CDH26: variants seen among roughly 807,000 people sequenced by gnomAD.
CDH26 encodes the protein cadherin 26, also known as cadherin-like protein 26.
A neutral mutation model predicts 90.3 loss-of-function variants in CDH26; 83 were observed. The observed-to-expected ratio is 0.92, with a 90% CI of 0.77 to 1.10. The LOEUF is 1.10. Among genes scored for constraint, CDH26 ranks in the 50% least tolerant of loss-of-function variants. The probability of loss-of-function intolerance (pLI) is 0.00; values close to 1 mark genes in which losing one functional copy is unlikely to be tolerated. For synonymous variants in CDH26, 397 were observed against 396.3 expected, an observed-to-expected ratio of 1.00 and a Z score of -0.02; for missense variants, 1,013 against 1,037.6, an observed-to-expected ratio of 0.98 and a Z score of 0.33.
intron 16 of CDH26, among the ~76,000 whole-genome samples, chr20:60,003,844 T>C (rs2146009518): frequency 6.6e-6 from 1 of 152,094 alleles, no homozygotes; most frequent in East Asian, 1.9e-4. Context: ...GAGATAGTGC[T>C]CTCTCAGCCA....
intron 10 of CDH26, 128 bp from the exon 11 acceptor site, chr20:59,994,122 A>C: frequency 8.3e-7 from 1 of 1,209,992 alleles, no homozygotes; most frequent in Non-Finnish European, 1.2e-6. Flanking sequence ...AGGAGAGCTT[A>C]TGACGTTGAA....
intron 14 of CDH26, among the ~76,000 whole-genome samples, chr20:60,000,566 GT>G (rs2061662874): frequency 6.6e-6 from 1 of 152,206 alleles, no homozygotes; most frequent in Non-Finnish European, 1.5e-5. Context: ...AGGTCTAGGT[GT>G]TGCCCTGAGG....
At position 60,012,539 on chromosome 20, in the gene CDH26, G is replaced by A; in HGVS notation, c.2308G>A (p.Ala770Thr). The A allele has an allele frequency of 6.2e-7, 1 of 1,612,822 alleles. No individual in the cohort carries two copies. The highest frequency in any genetic ancestry group is 8.5e-7 in the Non-Finnish European group (1 of 1,179,152). ...CACTTTTCCCCAGAAACTCCATGTT[G>A]CCAATGTGCTGGAAGATGACCCCGG... ...AETLNQKLHV[A>T]NVLEDDPGYL... Residue 770 changes from alanine (A) to threonine (T), a missense_variant, in exon 18 of 18, where the codon GCC becomes ACC. By Grantham distance (58) the Ala-to-Thr change is moderately conservative. Transcript: ENST00000348616.
intron 7 of CDH26, among the ~76,000 whole-genome samples, chr20:60,024,814 C>T (rs1315240262): frequency 6.6e-6 from 1 of 152,210 alleles, no homozygotes; most frequent in Non-Finnish European, 1.5e-5. Context: ...AGGGCTATGG[C>T]TTTCCCAAAT....
chr20:60,024,534 A>G (rs1411036694), intron 7 of CDH26, among the ~76,000 whole-genome samples: 1 of 152,238 alleles, frequency 6.6e-6, no homozygotes, highest in Non-Finnish European at 1.5e-5. Flanking sequence ...TAGTTTGTCA[A>G]ACCATTAAAA....
chr20:59,967,881 C>T (rs1272326724), intron 1 of CDH26, among the ~76,000 whole-genome samples: 3 of 98,936 alleles, frequency 3.0e-5, no homozygotes, highest in African/African-American at 2.4e-4. Flanking sequence ...TTCTTTCTTC[C>T]TTCCTTCCTT....
chr20:59,973,314 G>A (rs1305480884), intron 4 of CDH26, among the ~76,000 whole-genome samples: 3 of 152,192 alleles, frequency 2.0e-5, no homozygotes, highest in African/African-American at 4.8e-5. Context: ...TCTGTGCAAG[G>A]ATGGAACCAA....
At chr20:60,017,087 G>A (rs575666534), downstream of CDH26, among the ~76,000 whole-genome samples, 6 of 152,080 alleles carry the variant, frequency 3.9e-5, no homozygotes, top group East Asian at 1.2e-3. Flanking sequence ...TTTTCTGTGT[G>A]TCTTTGTATG....
chr20:59,962,498 C>T (rs893765723), intron 1 of CDH26, among the ~76,000 whole-genome samples: 4 of 152,184 alleles, frequency 2.6e-5, no homozygotes, highest in African/African-American at 9.7e-5. Context: ...GGCATCATCC[C>T]TTTGTGTCTG....
chr20:60,006,833 A>C, intron 17 of CDH26, 46 bp downstream of exon 17: 1 of 1,414,060 alleles, frequency 7.1e-7, no homozygotes, highest in Non-Finnish European at 1.0e-6. Context: ...TGGGTTTTGC[A>C]TCCCCACTGT....
chr20:59,966,778 C>T (rs545525049), intron 1 of CDH26, among the ~76,000 whole-genome samples: 1 of 152,306 alleles, frequency 6.6e-6, no homozygotes, highest in South Asian at 2.1e-4. Flanking sequence ...TACAGAGAAA[C>T]TTTTCATATA....
At chr20:59,977,794 C>T (rs909214821) in intron 4 of CDH26, among the ~76,000 whole-genome samples, 1 of 152,176 alleles carries the variant, frequency 6.6e-6, no homozygotes, top group South Asian at 2.1e-4. Flanking sequence ...TAACCAAAAC[C>T]CATAGTTTAC....
chr20:59,964,940 A>C (rs1450379734), intron 1 of CDH26, among the ~76,000 whole-genome samples: 1 of 152,218 alleles, frequency 6.6e-6, no homozygotes, highest in Admixed American at 6.5e-5. Flanking sequence ...GCCACCTGGA[A>C]ATACACCTGT....
At chr20:59,982,879 G>T in intron 4 of CDH26, 44 bp from the exon 5 acceptor site, 1 of 1,600,716 alleles carries the variant, frequency 6.2e-7, no homozygotes, top group Non-Finnish European at 8.5e-7. Context: ...GAGTGTCATC[G>T]AGTAAATGGT....
At chr20:60,001,772 G>T (rs2061680087) in intron 15 of CDH26, among the ~76,000 whole-genome samples, 1 of 152,228 alleles carries the variant, frequency 6.6e-6, no homozygotes, top group African/African-American at 2.4e-5. Flanking sequence ...CCCAGTGACT[G>T]CATGCTTCCA....
At chr20:60,017,093 G>C (rs2061911512), downstream of CDH26, among the ~76,000 whole-genome samples, 1 of 151,972 alleles carries the variant, frequency 6.6e-6, no homozygotes, top group East Asian at 1.9e-4. Flanking sequence ...GTGTGTCTTT[G>C]TATGGCTTTG....
chr20:60,023,411 G>A (rs1433113951), intron 7 of CDH26, among the ~76,000 whole-genome samples: 1 of 152,178 alleles, frequency 6.6e-6, no homozygotes, highest in Non-Finnish European at 1.5e-5. Context: ...GTGTTCAGGC[G>A]GCAGGGGCTC....
intron 16 of CDH26, among the ~76,000 whole-genome samples, chr20:60,006,098 G>A (rs1382092729): frequency 6.6e-6 from 1 of 152,174 alleles, no homozygotes; most frequent in Non-Finnish European, 1.5e-5. Context: ...CGCCACTCTT[G>A]GGTGCTTGCC....
rs146963298 is a variant in CDH26 at position 60,012,691 on chromosome 20, G to T, written c.2460G>T (p.Pro820=). 6.2e-7 allele frequency: 1 copy of T among 1,613,814 alleles called. No homozygotes were observed. Among genetic ancestry groups the T allele is most frequent in the South Asian group, 1.1e-5 (1 of 91,054 alleles). The change falls in exon 18 of 18, where the codon CCG becomes CCT. Residue 820 remains proline, a synonymous_variant. Transcript: ENST00000348616. Reference sequence around the variant, plus strand: ...ACTCTTTGGGTTCAAAAGCGACTCCGTTTGAGGAAATATATTCAGAGTCAG... The same window carrying T: ...ACTCTTTGGGTTCAAAAGCGACTCCTTTTGAGGAAATATATTCAGAGTCAG... ...LLDSLGSKAT[P]FEEIYSESGV...
Sources: allele counts gnomAD v4.1 joint callset (sites outside exome capture counted in the v4.1 genomes callset), GRCh38; gene constraint gnomAD v4.1.1; transcripts MANE v1.5; gene names NCBI Gene and HGNC (gene_info 2026-07-23, HGNC 2026-07-21).